The following MMP27 variants were observed in gnomAD, a reference collection of about 807,000 sequenced individuals.
MMP27 encodes the protein matrix metallopeptidase 27, also known as matrix metalloproteinase-27.
MMP27 carries 51 observed loss-of-function variants against 48.1 expected under a neutral mutation model. The observed-to-expected ratio is 1.06, with a 90% CI of 0.85 to 1.34. MMP27 has a LOEUF of 1.34. MMP27 is among the 40% of genes most tolerant of loss of function. MMP27 has a pLI of 0.00. For synonymous variants in MMP27, 229 were observed against 208.9 expected (o/e 1.10, Z -0.83); for missense variants, 698 against 619.3 (o/e 1.13, Z -1.35).
chr11:102,693,766 C>T, intron 8 of MMP27, 140 bp downstream of exon 8: 1 of 637,628 alleles, frequency 1.6e-6, no homozygotes, highest in South Asian at 3.1e-5. Flanking sequence ...GCCTGGGAGA[C>T]AGAGCAAGAC....
chr11:102,705,279 C>A (rs946507668), intron 1 of MMP27, among the ~76,000 whole-genome samples: 4 of 152,034 alleles, frequency 2.6e-5, no homozygotes, highest in African/African-American at 9.7e-5. Flanking sequence ...ATTAGGGCTC[C>A]AAATTGTAGA....
chr11:102,699,193 G>A (rs377757154), intron 4 of MMP27, among the ~76,000 whole-genome samples: 6 of 152,066 alleles, frequency 3.9e-5, no homozygotes, highest in Non-Finnish European at 7.4e-5. Flanking sequence ...TGGGCCTGGC[G>A]TGGTGGTTCA....
chr11:102,696,645 C>T, intron 5 of MMP27, 29 bp downstream of exon 5: 8 of 1,590,332 alleles, frequency 5.0e-6, no homozygotes, highest in Non-Finnish European at 6.8e-6. Context: ...ATTTAGTTCA[C>T]ATATATTGAG....
intron 6 of MMP27, among the ~76,000 whole-genome samples, chr11:102,695,686 G>A (rs1860811622): frequency 1.3e-5 from 2 of 152,136 alleles, no homozygotes; most frequent in Admixed American, 1.3e-4. Context: ...ATGGGTGAAA[G>A]GAGTCCAATT....
chr11:102,692,729 C>G (rs1170962510), intron 9 of MMP27, among the ~76,000 whole-genome samples: 1 of 152,040 alleles, frequency 6.6e-6, no homozygotes, highest in Non-Finnish European at 1.5e-5. Flanking sequence ...GTACTTTTTA[C>G]ATAGATTTGA....
chr11:102,699,724 C>G (rs922414199), intron 4 of MMP27, among the ~76,000 whole-genome samples: 1 of 152,206 alleles, frequency 6.6e-6, no homozygotes, highest in Non-Finnish European at 1.5e-5. Flanking sequence ...GGAAAAATGA[C>G]TGTTGGGAAA....
chr11:102,693,800 AT>A (rs1271704608), intron 8 of MMP27, 105 bp downstream of exon 8: 26 of 1,033,446 alleles, frequency 2.5e-5, no homozygotes, highest in Non-Finnish European at 3.5e-5. Flanking sequence ...AAATAAAAAA[AT>A]AAAAAATATT....
At chr11:102,692,917 A>G (rs756044616) in intron 9 of MMP27, 21 bp downstream of exon 9, 6 of 1,581,068 alleles carry the variant, frequency 3.8e-6, no homozygotes, top group Non-Finnish European at 5.2e-6. Flanking sequence ...GTATCCCAAT[A>G]AGTGAGACAT....
intron 4 of MMP27, 109 bp downstream of exon 4, chr11:102,702,644 G>A: frequency 7.9e-7 from 1 of 1,270,494 alleles, no homozygotes; most frequent in South Asian, 1.5e-5. Flanking sequence ...ATGGAAAATT[G>A]TGGGGACATT....
rs1257100935 is a variant in MMP27 at position 102,696,838 on chromosome 11, T to G, written c.620-3A>C. On this transcript the variant is annotated splice_region_variant and splice_polypyrimidine_tract_variant and intron_variant, in intron 4 of 9. Coordinates refer to ENST00000260229, the MANE Select transcript of MMP27 (RefSeq NM_022122.3). ...AGCCACAAGAAACAAGTTGAATCCT[T>G]GATAATAACAGGGAAAACACGAGCA... 1 of 1,605,462 alleles carries G rather than the reference T, an allele frequency of 6.2e-7. No homozygotes were observed. Among genetic ancestry groups the G allele is most frequent in the East Asian group, 2.2e-5 (1 of 44,784 alleles).
intron 4 of MMP27, 148 bp downstream of exon 4, chr11:102,702,605 G>A (rs1275274811): frequency 3.3e-6 from 3 of 898,358 alleles, no homozygotes; most frequent in African/African-American, 3.3e-5. Flanking sequence ...AGGGTGTATT[G>A]AACACTTCCA....
rs1861011561 is a variant in MMP27, at chr11:102,704,654, G to T, written c.224C>A (p.Thr75Asn). The change falls in exon 2 of 10, where the codon ACT becomes AAT. Residue 75 changes from threonine (T) to asparagine (N), a missense_variant. Physicochemically the swap from Thr to Asn is moderately conservative, Grantham distance 65. Coordinates refer to ENST00000260229, the MANE Select transcript of MMP27 (RefSeq NM_022122.3). ...EMQAFFGLTV[T>N]GKLDSNTLEI... ...AAGGGTGTTTGAGTCCAGTTTTCCA[G>T]TCACTGTCAATCCAAAAAATGCTTG... 8 of 1,614,042 alleles carry T rather than the reference G, an allele frequency of 5.0e-6. No homozygotes were observed. The highest frequency in any genetic ancestry group is 5.1e-6 in the Non-Finnish European group (6 of 1,179,964).
chr11:102,691,771 G>A lies in MMP27; in HGVS notation c.1537C>T (p.Gln513Ter), dbSNP rs886353164. The A allele has an allele frequency of 1.9e-6, 3 of 1,583,712 alleles. No individual in the cohort carries two copies. The highest frequency in any genetic ancestry group is 1.4e-5 in the African/African-American group (1 of 73,924). ...VHLLKNTSIY[Q>*] ...TTTATTTTAGGTCTATGAATTTATT[G>A]ATAAATAGAAGTGTTTTTCAGCAAA... The change falls in exon 10 of 10, where the codon CAA (glutamine) becomes TAA (stop). Residue 513 changes from glutamine (Q) to a stop codon, truncating the protein, a stop_gained. Transcript: ENST00000260229. LOFTEE classifies it high-confidence loss of function.
Position 102,704,618 on chromosome 11 carries a change from T to C in MMP27, c.260A>G (p.Lys87Arg), listed in dbSNP as rs141355558. 5.7e-5 allele frequency: 92 copies of C among 1,614,182 alleles called. 1 individual carries two copies. In the East Asian group the frequency reaches 1.9e-3, roughly 34 times the overall value. ...KLDSNTLEIM[K>R]TPRCGVPDVG... ...ATCAGGCACCCCACACCTGGGTGTCTTCATGATCTCAAGGGTGTTTGAGTC... is the reference window on the plus strand; with the variant it reads ...ATCAGGCACCCCACACCTGGGTGTCCTCATGATCTCAAGGGTGTTTGAGTC... Residue 87 changes from lysine (K) to arginine (R), a missense_variant, in exon 2 of 10, where the codon AAG becomes AGG. Physicochemically the swap from Lys to Arg is conservative, Grantham distance 26. Transcript: ENST00000260229.
Position 102,691,928 on chromosome 11 carries a change from A to G in MMP27, c.1380T>C (p.Asn460=). ...TKNITRIMRT[N]TWFQCKEPKN... The stretch of plus-strand genomic sequence containing the variant: ...TTGGTTCTTTGCATTGAAACCAAGT[A>G]TTAGTTCTCATGATTCGGGTAATAT... Residue 460 remains asparagine (N), a synonymous_variant, in exon 10 of 10, where the codon AAT becomes AAC. Coordinates refer to ENST00000260229, the MANE Select transcript of MMP27 (RefSeq NM_022122.3). 2.5e-6 allele frequency: 4 copies of G among 1,613,564 alleles called. No individual in the cohort carries two copies. Among genetic ancestry groups the G allele is most frequent in the Non-Finnish European group, 3.4e-6 (4 of 1,179,754 alleles).
chr11:102,692,754 G>T (rs1425833352), intron 9 of MMP27, among the ~76,000 whole-genome samples, 184 bp downstream of exon 9: 1 of 152,180 alleles, frequency 6.6e-6, no homozygotes, highest in African/African-American at 2.4e-5. Context: ...GTATAACAGA[G>T]AGTATAATTC....
chr11:102,704,610 T>TGGGTGTCTTCATGATCTCAA lies in MMP27; in HGVS notation c.248_267dup (p.Arg90LeufsTer4). On this transcript the variant is annotated stop_gained and frameshift_variant, in exon 2 of 10. Transcript: ENST00000260229. LOFTEE classifies it high-confidence loss of function. ...TGGCCCACATCAGGCACCCCACACC[T>TGGGTGTCTTCATGATCTCAA]GGGTGTCTTCATGATCTCAAGGGTG... The TGGGTGTCTTCATGATCTCAA allele has an allele frequency of 6.2e-7, 1 of 1,614,202 alleles. No homozygotes were observed. The highest frequency in any genetic ancestry group is 8.5e-7 in the Non-Finnish European group (1 of 1,180,012).
intron 9 of MMP27, among the ~76,000 whole-genome samples, chr11:102,692,396 GT>G (rs1266338804): frequency 1.3e-5 from 2 of 152,082 alleles, no homozygotes; most frequent in African/African-American, 2.4e-5. Flanking sequence ...AGGTTTTGAG[GT>G]TCTGTGTTAG....
chr11:102,702,075 A>G (rs1177513600), intron 4 of MMP27, among the ~76,000 whole-genome samples: 1 of 152,246 alleles, frequency 6.6e-6, no homozygotes, highest in African/African-American at 2.4e-5. Flanking sequence ...CTGTTAATAT[A>G]GTACAGTTTG....
Sources: allele counts gnomAD v4.1 joint callset (sites outside exome capture counted in the v4.1 genomes callset), GRCh38; gene constraint gnomAD v4.1.1; transcripts MANE v1.5; gene names NCBI Gene and HGNC (gene_info 2026-07-23, HGNC 2026-07-21).